Variants in RAD21 observed in about 807,000 individuals in gnomAD.
RAD21 encodes the protein RAD21 cohesin complex component.
In RAD21, 18 loss-of-function variants were observed where a neutral mutation model predicts 71.5. That is an observed-to-expected ratio of 0.25 (90% CI 0.17 to 0.37). The LOEUF (loss-of-function observed/expected upper bound fraction) is 0.37. Among genes scored for constraint, RAD21 ranks in the 10% least tolerant of loss-of-function variants. The pLI, the probability that RAD21 is intolerant of heterozygous loss-of-function variation, is 1.00. For missense variants in RAD21, 493 were observed against 769.1 expected (o/e 0.64, Z 4.25); for synonymous variants, 248 against 254.0 (o/e 0.98, Z 0.22).
Position 116,852,560 on chromosome 8 carries a change from CGCT to C in RAD21, c.1307_1309del (p.Gln436del). 6.2e-7 allele frequency: 1 copy of C among 1,611,716 alleles called. No individual in the cohort carries two copies. The highest frequency in any genetic ancestry group is 8.5e-7 in the Non-Finnish European group (1 of 1,179,026). Reference sequence around the variant, plus strand: ...CCAACAGAACAAACCGATAACATCACGCTGCTGATGCTGCTGTTGCTGGTCCTC... The same window carrying C: ...CCAACAGAACAAACCGATAACATCACGCTGATGCTGCTGTTGCTGGTCCTC... On this transcript the variant is annotated inframe_deletion, in exon 10 of 14. Coordinates refer to ENST00000297338, the MANE Select transcript of RAD21 (RefSeq NM_006265.3).
At chr8:116,852,124 A>G in intron 10 of RAD21, 28 bp from the exon 11 acceptor site, 1 of 1,581,956 alleles carries the variant, frequency 6.3e-7, no homozygotes, top group Non-Finnish European at 8.7e-7. Context: ...AAGAGAAAAC[A>G]TAGGTCATAC....
intron 7 of RAD21, 112 bp downstream of exon 7, chr8:116,856,534 G>T (rs2130467617): frequency 7.8e-7 from 1 of 1,289,386 alleles, no homozygotes; most frequent in Non-Finnish European, 1.0e-6. Context: ...TGTACTTAAA[G>T]ATATTTATAA....
At position 116,857,253 on chromosome 8, in the gene RAD21, T is replaced by A. The variant is rs1204145291; in HGVS notation, c.688+14A>T. ...AATTCTGTTTATGCTGGAATAACCA[T>A]CATTCCCACATACCTAATATTCCAC... On this transcript the variant is annotated intron_variant, in intron 6 of 13. Coordinates refer to ENST00000297338, the MANE Select transcript of RAD21 (RefSeq NM_006265.3). 7 of 1,590,822 alleles carry A rather than the reference T, an allele frequency of 4.4e-6. No individual in the cohort carries two copies. The highest frequency in any genetic ancestry group is 6.0e-6 in the Non-Finnish European group (7 of 1,162,390).
chr8:116,856,348 C>A (rs1812466073), intron 7 of RAD21, 60 bp from the exon 8 acceptor site: 1 of 1,366,688 alleles, frequency 7.3e-7, no homozygotes. Context: ...AACATATATC[C>A]CACAAATGGG....
At position 116,846,868 on chromosome 8, in the gene RAD21, A is replaced by G; in HGVS notation, c.*632T>C. 4.6e-6 allele frequency: 1 copy of G among 217,252 alleles called. No individual in the cohort carries two copies. Among genetic ancestry groups the G allele is most frequent in the Non-Finnish European group, 9.3e-6 (1 of 107,936 alleles). The allele number at this position is 217,252 out of a possible 1,614,324, so 13.5% of individuals were successfully genotyped here. A position where few individuals can be genotyped will look rare whatever the true frequency, so the allele number is the denominator to read the frequency against. ...ACTCAAATGGAATGATTTACAAAAT[A>G]GAACACTTTAAACCAGGTCAGTCCT... On this transcript the variant is annotated 3_prime_UTR_variant, in exon 14 of 14. Coordinates refer to ENST00000297338, the MANE Select transcript of RAD21 (RefSeq NM_006265.3).
intron 2 of RAD21, among the ~76,000 whole-genome samples, 187 bp from the exon 3 acceptor site, chr8:116,863,446 A>T (rs535288938): frequency 6.6e-6 from 1 of 152,162 alleles, no homozygotes; most frequent in Non-Finnish European, 1.5e-5. Context: ...TAACACAAAC[A>T]TGAAGGAAGC....
chr8:116,848,865 G>A (rs749236568), intron 13 of RAD21, 81 bp downstream of exon 13: 1 of 1,100,424 alleles, frequency 9.1e-7, no homozygotes, highest in South Asian at 1.8e-5. Flanking sequence ...TCTGTTTCCA[G>A]CATCTAACTT....
chr8:116,846,908 G>A lies in RAD21; in HGVS notation c.*592C>T. ...AGGTCAGTCCTATCTTTTTGTAGCT[G>A]AAGGCTATCAGTCATAACACAATTT... On this transcript the variant is annotated 3_prime_UTR_variant, in exon 14 of 14. Transcript: ENST00000297338. 4.7e-6 allele frequency: 1 copy of A among 214,910 alleles called. No homozygotes were observed. Among genetic ancestry groups the A allele is most frequent in the East Asian group, 6.9e-5 (1 of 14,418 alleles). 13.3% of individuals were successfully genotyped at this position (214,910 alleles called of 1,614,324 possible).
In RAD21 at chr8:116,846,312, G is replaced by A. The variant is rs969337190; in HGVS notation, c.*1188C>T. 3 of 230,928 alleles carry A rather than the reference G, an allele frequency of 1.3e-5. No homozygotes were observed. Among genetic ancestry groups the A allele is most frequent in the Non-Finnish European group, 2.6e-5 (3 of 116,564 alleles). The allele number at this position is 230,928 out of a possible 1,614,324, so 14.3% of individuals were successfully genotyped here. A position where few individuals can be genotyped will look rare whatever the true frequency, so the allele number is the denominator to read the frequency against. On this transcript the variant is annotated 3_prime_UTR_variant, in exon 14 of 14. Transcript: ENST00000297338. Reference sequence around the variant, plus strand: ...AAAGTGATTTTTTTTTCCCACAAAAGTTTCAACACTTAAGCTAGAACTTTC... The same window carrying A: ...AAAGTGATTTTTTTTTCCCACAAAAATTTCAACACTTAAGCTAGAACTTTC...
At chr8:116,872,535 T>C (rs112528947) in intron 1 of RAD21, among the ~76,000 whole-genome samples, 29 of 127,306 alleles carry the variant, frequency 2.3e-4, no homozygotes, top group South Asian at 9.4e-4. Context: ...TATATATATA[T>C]ACATACACAC....
intron 2 of RAD21, among the ~76,000 whole-genome samples, chr8:116,865,280 CA>C (rs1290297289): frequency 6.6e-6 from 1 of 152,040 alleles, no homozygotes; most frequent in African/African-American, 2.4e-5. Context: ...CCTAAAGTGG[CA>C]CAAAGTACTC....
Position 116,856,715 on chromosome 8 carries a change from A to G in RAD21, c.745T>C (p.Ser249Pro), listed in dbSNP as rs138762840. Reference protein sequence around the residue: ...GGIFDDPPALSEAGVMLPEQP... With the variant: ...GGIFDDPPALPEAGVMLPEQP... ...TCTGGCAACATCACCCCTGCCTCAGAGAGGGCAGGGGGATCATCAAAGATA... is the reference window on the plus strand; with the variant it reads ...TCTGGCAACATCACCCCTGCCTCAGGGAGGGCAGGGGGATCATCAAAGATA... The change falls in exon 7 of 14, where the codon TCT (serine) becomes CCT (proline). Residue 249 changes from serine (S) to proline (P), a missense_variant. Around this residue, in one of 5 missense-constraint regions of RAD21, gnomAD observed 165 missense variants for 229.6 expected, o/e 0.72. Coordinates refer to ENST00000297338, the MANE Select transcript of RAD21 (RefSeq NM_006265.3). 9.4e-6 allele frequency: 15 copies of G among 1,588,176 alleles called. No homozygotes were observed. Among genetic ancestry groups the G allele is most frequent in the Non-Finnish European group, 8.6e-6 (10 of 1,165,074 alleles).
chr8:116,848,419 T>TA (rs146249024), intron 13 of RAD21, among the ~76,000 whole-genome samples: 5,055 of 152,252 alleles, frequency 0.033, 263 homozygotes, highest in African/African-American at 0.11. Context: ...TTATAGTTTT[T>TA]AAAGTAAAAA....
chr8:116,850,542 G>T, intron 12 of RAD21, 76 bp downstream of exon 12: 3 of 1,560,260 alleles, frequency 1.9e-6, no homozygotes, highest in Non-Finnish European at 2.6e-6. Context: ...CATCAATTAA[G>T]TTAGCCCCAA....
At chr8:116,863,596 C>T (rs1812632747) in intron 2 of RAD21, among the ~76,000 whole-genome samples, 1 of 152,112 alleles carries the variant, frequency 6.6e-6, no homozygotes, top group African/African-American at 2.4e-5. Context: ...ATGTCCCCCA[C>T]ATTGACAGAT....
chr8:116,854,746 T>C (rs1042017652), intron 8 of RAD21, among the ~76,000 whole-genome samples: 3 of 152,238 alleles, frequency 2.0e-5, no homozygotes, highest in Non-Finnish European at 4.4e-5. Context: ...CAACACATTT[T>C]TGCCTATGTA....
At chr8:116,863,482 A>G (rs1237850320) in intron 2 of RAD21, among the ~76,000 whole-genome samples, 1 of 152,100 alleles carries the variant, frequency 6.6e-6, no homozygotes, top group Non-Finnish European at 1.5e-5. Flanking sequence ...AAACCATTCC[A>G]TGAATTGTGT....
chr8:116,852,208 T>A, intron 10 of RAD21, 112 bp from the exon 11 acceptor site: 1 of 1,041,872 alleles, frequency 9.6e-7, no homozygotes, highest in Non-Finnish European at 1.3e-6. Context: ...CTTTCTTTAA[T>A]GAAGAAGGCC....
At chr8:116,868,759 T>C (rs1037493571) in intron 1 of RAD21, among the ~76,000 whole-genome samples, 12 of 151,968 alleles carry the variant, frequency 7.9e-5, no homozygotes, top group Non-Finnish European at 1.2e-4. Flanking sequence ...ACACAGTCAA[T>C]GTAACAGAAC....
Sources: allele counts gnomAD v4.1 joint callset (sites outside exome capture counted in the v4.1 genomes callset), GRCh38; gene constraint gnomAD v4.1.1; regional missense constraint gnomAD v4.1.1; transcripts MANE v1.5; gene names NCBI Gene and HGNC (gene_info 2026-07-23, HGNC 2026-07-21).